The following TMEM163 variants were observed in gnomAD, a reference collection of about 807,000 sequenced individuals.
TMEM163 encodes transmembrane protein 163.
TMEM163 carries 17 observed loss-of-function variants against 29.3 expected under a neutral mutation model. The observed-to-expected ratio is 0.58, with a 90% CI of 0.40 to 0.87. The LOEUF is 0.87. Ranked by LOEUF, TMEM163 falls within the 40% of genes least tolerant of loss-of-function variation. The pLI, the probability that TMEM163 is intolerant of heterozygous loss-of-function variation, is 0.00. For synonymous variants in TMEM163, 157 were observed against 160.6 expected (o/e 0.98, Z 0.17); for missense variants, 303 against 381.5 (o/e 0.79, Z 1.71).
intron 2 of TMEM163, among the ~76,000 whole-genome samples, chr2:134,706,228 A>G (rs554819778): frequency 6.6e-6 from 1 of 152,260 alleles, no homozygotes; most frequent in South Asian, 2.1e-4. Context: ...AGGAGGGGTG[A>G]GAGAATGAGC....
chr2:134,546,964 T>C (rs888614718), intron 4 of TMEM163, among the ~76,000 whole-genome samples: 1 of 152,202 alleles, frequency 6.6e-6, no homozygotes, highest in African/African-American at 2.4e-5. Flanking sequence ...TATAATTTCA[T>C]TTATATGAAG....
chr2:134,522,362 G>A (rs895566615), intron 4 of TMEM163, among the ~76,000 whole-genome samples: 20 of 152,370 alleles, frequency 1.3e-4, no homozygotes, highest in South Asian at 4.1e-4. Flanking sequence ...GAAGGAATGC[G>A]TTTGAATTTG....
At chr2:134,583,641 GCTA>G (rs1466927144) in intron 2 of TMEM163, among the ~76,000 whole-genome samples, 2 of 152,178 alleles carry the variant, frequency 1.3e-5, no homozygotes, top group East Asian at 3.9e-4. Context: ...CATCCATGCA[GCTA>G]CTGTCAGCCA....
chr2:134,659,142 CA>C (rs1683689835), intron 2 of TMEM163, among the ~76,000 whole-genome samples: 1 of 152,126 alleles, frequency 6.6e-6, no homozygotes, highest in African/African-American at 2.4e-5. Flanking sequence ...ATACTATAGG[CA>C]ACTGTAACAC....
intron 2 of TMEM163, among the ~76,000 whole-genome samples, chr2:134,581,308 A>AT (rs879760310): frequency 7.9e-5 from 12 of 151,728 alleles, no homozygotes; most frequent in Non-Finnish European, 1.3e-4. Flanking sequence ...AGGCCAACTA[A>AT]TTTTTTTTTA....
At chr2:134,674,183 A>G (rs1043290538) in intron 2 of TMEM163, among the ~76,000 whole-genome samples, 3 of 152,114 alleles carry the variant, frequency 2.0e-5, no homozygotes, top group Non-Finnish European at 4.4e-5. Flanking sequence ...TACTTTCTGT[A>G]CATAAATCAC....
intron 2 of TMEM163, among the ~76,000 whole-genome samples, chr2:134,657,668 TG>T (rs1411963428): frequency 6.6e-6 from 1 of 152,188 alleles, no homozygotes; most frequent in East Asian, 1.9e-4. Flanking sequence ...TTGGGCGTGG[TG>T]GCGCATGCCT....
intron 2 of TMEM163, among the ~76,000 whole-genome samples, chr2:134,568,816 A>T (rs1004202183): frequency 3.9e-5 from 6 of 152,230 alleles, no homozygotes; most frequent in Non-Finnish European, 8.8e-5. Flanking sequence ...GAGCCCTGTG[A>T]GCATTCTAAA....
At chr2:134,716,168 A>G (rs1685033943) in intron 1 of TMEM163, among the ~76,000 whole-genome samples, 2 of 152,222 alleles carry the variant, frequency 1.3e-5, no homozygotes, top group Non-Finnish European at 2.9e-5. Context: ...AAGGTTACGG[A>G]CAGAATGATG....
intron 6 of TMEM163, among the ~76,000 whole-genome samples, chr2:134,461,505 AGT>A (rs1686535964): frequency 1.3e-5 from 2 of 152,116 alleles, no homozygotes; most frequent in South Asian, 2.1e-4. Context: ...TCTGATTTGT[AGT>A]GTGTGTTTGT....
In TMEM163 at chr2:134,675,765, C is replaced by T. The variant is rs188604274; in HGVS notation, c.322+37435G>A. On this transcript the variant is annotated intron_variant, in intron 2 of 7. Transcript: ENST00000281924. The stretch of plus-strand genomic sequence containing the variant: ...AAACAGCAGCACTAATGAACAAATC[C>T]GGTCCCAGGATTTAGGAATCAAATT... Among the ~76,000 whole-genome samples, 386 of 152,268 alleles carry T rather than the reference C, an allele frequency of 2.5e-3. 7 individuals are homozygous for T. The highest frequency in any genetic ancestry group is 1.1e-3 in the Non-Finnish European group (73 of 68,018).
At chr2:134,544,622 C>G (rs192433844) in intron 4 of TMEM163, among the ~76,000 whole-genome samples, 2 of 152,010 alleles carry the variant, frequency 1.3e-5, no homozygotes, top group African/African-American at 4.8e-5. Context: ...GGTGAAACCC[C>G]GTCTCTACTA....
At chr2:134,701,000 C>A (rs1205196465) in intron 2 of TMEM163, among the ~76,000 whole-genome samples, 1 of 148,522 alleles carries the variant, frequency 6.7e-6, no homozygotes, top group Non-Finnish European at 1.5e-5. Context: ...ATGGAAGAGA[C>A]CCCTCCAGAA....
intron 2 of TMEM163, among the ~76,000 whole-genome samples, chr2:134,704,475 T>C (rs1473084968): frequency 6.6e-6 from 1 of 152,126 alleles, no homozygotes; most frequent in Non-Finnish European, 1.5e-5. Context: ...TCCAGGTCCG[T>C]GTGGGACAAG....
chr2:134,555,360 G>C (rs562413866), intron 2 of TMEM163, among the ~76,000 whole-genome samples: 1 of 152,314 alleles, frequency 6.6e-6, no homozygotes, highest in South Asian at 2.1e-4. Context: ...GCCTGAGCCA[G>C]GATGATTATA....
chr2:134,718,595 G>A (rs991959840), intron 1 of TMEM163, 139 bp downstream of exon 1: 205 of 564,100 alleles, frequency 3.6e-4, no homozygotes, highest in Non-Finnish European at 4.5e-4. Flanking sequence ...GGCTAGCGGC[G>A]TTCTCGCCGG....
chr2:134,612,717 G>A lies in TMEM163; in HGVS notation c.323-60626C>T, dbSNP rs781091182. On this transcript the variant is annotated intron_variant, in intron 2 of 7. Transcript: ENST00000281924. ...AGGAAATATAGATGTTGCAGAATTC[G>A]TCCTAGAAAGTTATTTAAAAAAAGA... is the stretch of plus-strand genomic sequence containing the variant. Among the ~76,000 whole-genome samples, 3 of 152,064 alleles carry A rather than the reference G, an allele frequency of 2.0e-5. No individual in the cohort carries two copies. In the East Asian group the frequency reaches 5.8e-4, roughly 29 times the overall value.
chr2:134,585,522 T>C (rs536511984), intron 2 of TMEM163, among the ~76,000 whole-genome samples: 169 of 152,182 alleles, frequency 1.1e-3, no homozygotes, highest in African/African-American at 3.3e-3. Flanking sequence ...GCGGGCAGAT[T>C]ACGAGGTCAA....
chr2:134,570,000 C>T (rs1681384104), intron 2 of TMEM163, among the ~76,000 whole-genome samples: 1 of 152,114 alleles, frequency 6.6e-6, no homozygotes, highest in East Asian at 1.9e-4. Context: ...GTAATCAGGT[C>T]AACCATCATG....
Sources: gnomAD v4.1 joint callset for allele counts (sites outside exome capture counted in the v4.1 genomes callset) on GRCh38, gnomAD v4.1.1 for gene constraint, MANE v1.5 for transcripts, NCBI Gene and HGNC (gene_info 2026-07-23, HGNC 2026-07-21) for gene names.